The following MACROD2 variants were observed in gnomAD, a reference collection of about 807,000 sequenced individuals.
MACROD2 encodes the protein ADP-ribose glycohydrolase MACROD2.
MACROD2 carries 36 observed loss-of-function variants against 70.4 expected under a neutral mutation model. That is an observed-to-expected ratio of 0.51 (90% confidence interval 0.39 to 0.68). The LOEUF (loss-of-function observed/expected upper bound fraction) is 0.68. Ranked by LOEUF, MACROD2 falls within the 30% of genes least tolerant of loss-of-function variation. The pLI, the probability that MACROD2 is intolerant of heterozygous loss-of-function variation, is 0.00. For missense variants in MACROD2, 496 were observed against 538.4 expected (o/e 0.92, Z 0.78); for synonymous variants, 172 against 178.8 (o/e 0.96, Z 0.30).
intron 5 of MACROD2, among the ~76,000 whole-genome samples, chr20:14,742,773 A>ATT (rs397817634): frequency 0.14 from 19,930 of 146,402 alleles, 1,790 homozygotes; most frequent in South Asian, 0.35. Flanking sequence ...ATTTTATTTT[A>ATT]TTTTTTTTTT....
At chr20:14,743,374 ATC>A (rs2071759002) in intron 5 of MACROD2, among the ~76,000 whole-genome samples, 1 of 152,138 alleles carries the variant, frequency 6.6e-6, no homozygotes, top group African/African-American at 2.4e-5. Context: ...GCCCAGTCTA[ATC>A]ATATGAGTCC....
chr20:14,101,019 T>C (rs1168546693), intron 3 of MACROD2, among the ~76,000 whole-genome samples: 2 of 151,112 alleles, frequency 1.3e-5, no homozygotes, highest in Admixed American at 6.6e-5. Context: ...TATTTGTCAG[T>C]ACAATTTTTT....
At chr20:15,040,015 A>G (rs571524092) in intron 5 of MACROD2, among the ~76,000 whole-genome samples, 6 of 152,118 alleles carry the variant, frequency 3.9e-5, no homozygotes, top group East Asian at 1.9e-4. Context: ...CAAGATTTCT[A>G]TAAGTGTCCT....
chr20:15,887,838 G>A (rs175788), intron 10 of MACROD2, among the ~76,000 whole-genome samples: 144,282 of 152,228 alleles, frequency 0.95, 68,674 homozygotes, highest in East Asian at 1. Context: ...AAAAATAGTC[G>A]GATATTTTAC....
chr20:14,275,728 C>G (rs1487342859), intron 3 of MACROD2, among the ~76,000 whole-genome samples: 1 of 152,154 alleles, frequency 6.6e-6, no homozygotes, highest in Non-Finnish European at 1.5e-5. Flanking sequence ...TCACAACCTA[C>G]TCATCTGACA....
intron 8 of MACROD2, among the ~76,000 whole-genome samples, chr20:15,858,209 A>T (rs2064379541): frequency 6.6e-6 from 1 of 152,138 alleles, no homozygotes; most frequent in Non-Finnish European, 1.5e-5. Context: ...TGATCACTTT[A>T]TATCTGATGA....
chr20:15,674,152 G>A (rs1202195659), intron 8 of MACROD2, among the ~76,000 whole-genome samples: 1 of 152,118 alleles, frequency 6.6e-6, no homozygotes, highest in Non-Finnish European at 1.5e-5. Context: ...GGACCACACC[G>A]AGTAGCAAAA....
chr20:15,647,428 A>G (rs1288378374), intron 8 of MACROD2, among the ~76,000 whole-genome samples: 1 of 152,208 alleles, frequency 6.6e-6, no homozygotes. Context: ...GAGTTAGCAA[A>G]GGGCTGAAGG....
chr20:14,953,826 T>A (rs1327478439), intron 5 of MACROD2, among the ~76,000 whole-genome samples: 2 of 152,178 alleles, frequency 1.3e-5, no homozygotes, highest in Admixed American at 1.3e-4. Context: ...GTATTTGATG[T>A]TAGTTCACTG....
intron 3 of MACROD2, among the ~76,000 whole-genome samples, chr20:14,238,680 C>T (rs186311367): frequency 2.0e-5 from 3 of 152,248 alleles, no homozygotes; most frequent in East Asian, 3.9e-4. Flanking sequence ...CCCAAAAGCT[C>T]CTTGAGCTGA....
chr20:15,623,078 G>A (rs2049151069), intron 8 of MACROD2, among the ~76,000 whole-genome samples: 1 of 152,102 alleles, frequency 6.6e-6, no homozygotes, highest in South Asian at 2.1e-4. Flanking sequence ...ATAATTTTTA[G>A]GACTATGAGT....
At chr20:15,783,455 C>G (rs1243266629) in intron 8 of MACROD2, among the ~76,000 whole-genome samples, 2 of 152,080 alleles carry the variant, frequency 1.3e-5, no homozygotes, top group Non-Finnish European at 2.9e-5. Context: ...GAGTTTCTAC[C>G]TATCACTCTG....
At chr20:14,707,317 C>A (rs1457519963) in intron 5 of MACROD2, among the ~76,000 whole-genome samples, 2 of 152,140 alleles carry the variant, frequency 1.3e-5, no homozygotes, top group African/African-American at 4.8e-5. Context: ...TGAAGTCATG[C>A]TGGTTTTACA....
intron 3 of MACROD2, 113 bp from the exon 4 acceptor site, chr20:14,493,366 A>G (rs2084815739): frequency 4.3e-6 from 3 of 692,012 alleles, no homozygotes; most frequent in Non-Finnish European, 7.1e-6. Context: ...TTTTGTGTTT[A>G]TGTATGTATA....
Position 15,950,766 on chromosome 20 carries a change from A to G in MACROD2, c.907+13222A>G, listed in dbSNP as rs75042776. On this transcript the variant is annotated intron_variant, in intron 12 of 17. Transcript: ENST00000684519. ...CTTTGATAAATGAGTTCAGCAGTCA[A>G]AACATTTTGGAAACTACGAAATTAG... Among the ~76,000 whole-genome samples the G allele has an allele frequency of 8.9e-3, 1,356 of 152,326 alleles. 50 individuals carry two copies. In the East Asian group the frequency reaches 0.11, roughly 13 times the overall value.
intron 8 of MACROD2, among the ~76,000 whole-genome samples, chr20:15,590,694 C>T (rs527743994): frequency 5.3e-5 from 8 of 152,056 alleles, no homozygotes; most frequent in Admixed American, 2.6e-4. Context: ...ACCAGCCTGG[C>T]CAACATGGTG....
At chr20:14,609,036 G>A (rs1982992851) in intron 4 of MACROD2, among the ~76,000 whole-genome samples, 1 of 152,038 alleles carries the variant, frequency 6.6e-6, no homozygotes, top group Admixed American at 6.6e-5. Flanking sequence ...GGTTTGGTGG[G>A]GTCTATGTGC....
intron 5 of MACROD2, among the ~76,000 whole-genome samples, chr20:14,978,849 T>TTA (rs975670183): frequency 2.2e-3 from 322 of 145,386 alleles, no homozygotes; most frequent in Admixed American, 6.4e-3. Context: ...GAGGGTATTA[T>TTA]TATATATATA....
intron 5 of MACROD2, among the ~76,000 whole-genome samples, chr20:15,184,033 G>T (rs891896039): frequency 1.3e-5 from 2 of 152,184 alleles, no homozygotes; most frequent in Non-Finnish European, 2.9e-5. Context: ...TATTTAAAGG[G>T]ATCAGATGCT....
Sources: allele counts gnomAD v4.1 joint callset (sites outside exome capture counted in the v4.1 genomes callset), GRCh38; gene constraint gnomAD v4.1.1; transcripts MANE v1.5; gene names NCBI Gene and HGNC (gene_info 2026-07-23, HGNC 2026-07-21).